The following C5orf34 variants were observed in gnomAD, a reference collection of about 807,000 sequenced individuals.
C5orf34 encodes chromosome 5 open reading frame 34.
Under a neutral mutation model 78.4 loss-of-function variants are expected in C5orf34, and 73 were observed. The ratio of observed to expected loss-of-function variants is 0.93; its 90% CI spans 0.77 to 1.13. The LOEUF is 1.13. C5orf34 is among the 50% of genes most tolerant of loss of function. C5orf34 has a pLI of 0.00. For synonymous variants in C5orf34, 251 were observed against 246.6 expected (o/e 1.02, Z -0.17); for missense variants, 730 against 732.7 (o/e 1.00, Z 0.04).
chr5:43,487,675 C>T (rs1171973077), intron 12 of C5orf34, among the ~76,000 whole-genome samples: 1 of 151,976 alleles, frequency 6.6e-6, no homozygotes, highest in Non-Finnish European at 1.5e-5. Flanking sequence ...GACCTTAACC[C>T]TAATTAACTG....
rs990488447 is a variant in C5orf34, at chr5:43,506,050, C to T, written c.630G>A (p.Lys210=). Residue 210 remains lysine (K), a synonymous_variant, in exon 4 of 13, where the codon AAG becomes AAA. Transcript: ENST00000306862. ...CAGTTCCATTTACACAACTCATCTT[C>T]TTTAAAGTTTCTTTGGATTTCATGA... ...CQIMKSKETL[K]KMSCVNGTEG... is the part of the protein sequence containing the mutation. 6.2e-7 allele frequency: 1 copy of T among 1,614,162 alleles called. No homozygotes were observed. Among genetic ancestry groups the T allele is most frequent in the Admixed American group, 1.7e-5 (1 of 60,014 alleles).
intron 10 of C5orf34, among the ~76,000 whole-genome samples, chr5:43,491,953 G>A (rs1745301667): frequency 6.8e-6 from 1 of 147,786 alleles, no homozygotes; most frequent in African/African-American, 2.5e-5. Flanking sequence ...GTGGTGAGCC[G>A]AGATCGTGCC....
intron 10 of C5orf34, 147 bp downstream of exon 10, chr5:43,492,068 A>G (rs897830942): frequency 1.8e-6 from 1 of 552,976 alleles, no homozygotes; most frequent in Non-Finnish European, 3.2e-6. Context: ...AAGTACAGCT[A>G]TCAACTCTGA....
chr5:43,494,463 A>G, intron 7 of C5orf34, 47 bp downstream of exon 7: 1 of 1,206,808 alleles, frequency 8.3e-7, no homozygotes, highest in Non-Finnish European at 1.2e-6. Flanking sequence ...ATGTGCCAAG[A>G]TGTTTAGACA....
chr5:43,513,061 C>T (rs370574199), intron 1 of C5orf34, among the ~76,000 whole-genome samples: 2 of 151,814 alleles, frequency 1.3e-5, no homozygotes, highest in African/African-American at 2.4e-5. Flanking sequence ...GGATTACAGG[C>T]GTGAGCCACC....
At chr5:43,507,851 G>A (rs1386700647) in intron 3 of C5orf34, among the ~76,000 whole-genome samples, 1 of 152,052 alleles carries the variant, frequency 6.6e-6, no homozygotes, top group Non-Finnish European at 1.5e-5. Flanking sequence ...GGCTGAGGCG[G>A]GCGGATCACG....
intron 5 of C5orf34, among the ~76,000 whole-genome samples, 176 bp downstream of exon 5, chr5:43,503,489 G>A (rs1204276216): frequency 6.6e-6 from 1 of 152,152 alleles, no homozygotes; most frequent in African/African-American, 2.4e-5. Context: ...ACCCTTGTGT[G>A]CACTAATAAC....
At position 43,492,279 on chromosome 5, in the gene C5orf34, T is replaced by C. The variant is rs1290762148; in HGVS notation, c.1516A>G (p.Lys506Glu). 6.2e-7 allele frequency: 1 copy of C among 1,611,398 alleles called. No individual in the cohort carries two copies. The highest frequency in any genetic ancestry group is 1.7e-5 in the Admixed American group (1 of 59,936). The change falls in exon 10 of 13, where the codon AAG (lysine) becomes GAG (glutamate). Residue 506 changes from lysine (K) to glutamate (E), a missense_variant. By Grantham distance (56) the Lys-to-Glu change is moderately conservative (BLOSUM62 1). Coordinates refer to ENST00000306862, the MANE Select transcript of C5orf34 (RefSeq NM_198566.4). Reference sequence around the variant, plus strand: ...TCTTGTCCATCAGGAAAAGTTAACTTACACCAACCTAAGTTAAGACCTTGA... The same window carrying C: ...TCTTGTCCATCAGGAAAAGTTAACTCACACCAACCTAAGTTAAGACCTTGA... ...VNQGLNLGWC[K>E]LTFPDGQEQL...
At chr5:43,488,073 C>A in intron 11 of C5orf34, 124 bp from the exon 12 acceptor site, 1 of 668,020 alleles carries the variant, frequency 1.5e-6, no homozygotes, top group South Asian at 1.9e-5. Flanking sequence ...CAGAAGAATT[C>A]TCTTTATGTT....
Position 43,492,835 on chromosome 5 carries a change from A to G in C5orf34, c.1370T>C (p.Ile457Thr), listed in dbSNP as rs1253438965. The change falls in exon 9 of 13, where the codon ATA (isoleucine) becomes ACA (threonine). Residue 457 changes from isoleucine to threonine, a missense_variant. Ile to Thr is a moderately conservative substitution (Grantham distance 89, BLOSUM62 -1). Coordinates refer to ENST00000306862, the MANE Select transcript of C5orf34 (RefSeq NM_198566.4). ...ILPLVLKESL[I>T]PSVGRFLAYS... ...GGCAAGAAATCTTCCCACACTGGGT[A>G]TGAGTGACTCTTTCAAAACCAAAGG... The G allele has an allele frequency of 5.6e-6, 9 of 1,611,982 alleles. No individual in the cohort carries two copies. Among genetic ancestry groups the G allele is most frequent in the Non-Finnish European group, 7.6e-6 (9 of 1,178,444 alleles).
intron 1 of C5orf34, 121 bp downstream of exon 1, chr5:43,514,685 C>T (rs1746408600): frequency 6.6e-6 from 1 of 152,148 alleles, no homozygotes; most frequent in Non-Finnish European, 1.5e-5. Context: ...GTATGTTTAA[C>T]ACTCAAAAAT....
intron 1 of C5orf34, among the ~76,000 whole-genome samples, chr5:43,513,743 A>G (rs761183258): frequency 3.3e-5 from 5 of 152,160 alleles, no homozygotes; most frequent in Non-Finnish European, 7.3e-5. Context: ...GTTCTTTATC[A>G]TCATCAAGGT....
intron 11 of C5orf34, among the ~76,000 whole-genome samples, chr5:43,489,879 TCA>T (rs1387978478): frequency 1.3e-5 from 2 of 152,128 alleles, no homozygotes; most frequent in East Asian, 3.8e-4. Context: ...GGTTAGACTC[TCA>T]GTGACACTAA....
intron 6 of C5orf34, among the ~76,000 whole-genome samples, chr5:43,499,136 G>A (rs1745659392): frequency 6.6e-6 from 1 of 152,190 alleles, no homozygotes; most frequent in African/African-American, 2.4e-5. Context: ...TCATGATAGG[G>A]AGTGTCTTGG....
chr5:43,487,973 T>C (rs1391075773), intron 11 of C5orf34, 24 bp from the exon 12 acceptor site: 3 of 1,585,908 alleles, frequency 1.9e-6, no homozygotes, highest in Non-Finnish European at 2.6e-6. Flanking sequence ...AAGAAAAAAT[T>C]CATTCAGTTG....
At chr5:43,506,668 T>G (rs1387145003) in intron 3 of C5orf34, among the ~76,000 whole-genome samples, 3 of 152,014 alleles carry the variant, frequency 2.0e-5, no homozygotes, top group Admixed American at 1.3e-4. Context: ...TGTATTTTGG[T>G]TTTAAATGTA....
rs1393127294 is a variant in C5orf34, at chr5:43,493,528, A to G, written c.1314+15T>C. 1.4e-6 allele frequency: 2 copies of G among 1,431,776 alleles called. No individual in the cohort carries two copies. The highest frequency in any genetic ancestry group is 1.9e-6 in the Non-Finnish European group (2 of 1,028,886). The allele number at this position is 1,431,776 out of a possible 1,614,324, so 88.7% of individuals were successfully genotyped here. A position where few individuals can be genotyped will look rare whatever the true frequency, so the allele number is the denominator to read the frequency against. ...AATTTAAAAATATCTTGCTTTTAAAATAATTTTAACATACCATTTTCCAGC... is the reference window on the plus strand; with the variant it reads ...AATTTAAAAATATCTTGCTTTTAAAGTAATTTTAACATACCATTTTCCAGC... On this transcript the variant is annotated intron_variant, in intron 8 of 12. Coordinates refer to ENST00000306862, the MANE Select transcript of C5orf34 (RefSeq NM_198566.4).
intron 1 of C5orf34, among the ~76,000 whole-genome samples, chr5:43,512,760 C>CTTTTTTTTTT (rs58813772): frequency 4.1e-5 from 3 of 72,880 alleles, no homozygotes; most frequent in African/African-American, 1.7e-4. Flanking sequence ...CCCACCTTGT[C>CTTTTTTTTTT]TTTTTTTTTT....
Position 43,490,863 on chromosome 5 carries a change from G to A in C5orf34, c.1581-134C>T, listed in dbSNP as rs1022284040. On this transcript the variant is annotated intron_variant, in intron 10 of 12. Coordinates refer to ENST00000306862, the MANE Select transcript of C5orf34 (RefSeq NM_198566.4). ...AATGTTAAAGTGAAGCATTTACTGG[G>A]CAATTCTCAAAATATTTTTCACTGG... The A allele has an allele frequency of 1.4e-5, 7 of 491,630 alleles. No individual in the cohort carries two copies. The Admixed American group carries it at 1.9e-4, about 13-fold the overall frequency. The allele number at this position is 491,630 out of a possible 1,614,324, so 30.5% of individuals were successfully genotyped here.
Sources: gnomAD v4.1 joint callset for allele counts (sites outside exome capture counted in the v4.1 genomes callset) on GRCh38, gnomAD v4.1.1 for gene constraint, MANE v1.5 for transcripts, NCBI Gene and HGNC (gene_info 2026-07-23, HGNC 2026-07-21) for gene names.